PRUNE2: variants seen among roughly 807,000 people sequenced by gnomAD.
PRUNE2 encodes the protein prune homolog 2 with BCH domain.
In PRUNE2, 164 loss-of-function variants were observed where a neutral mutation model predicts 252.0. That is an observed-to-expected ratio of 0.65 (90% CI 0.57 to 0.74). The LOEUF is 0.74. Among genes scored for constraint, PRUNE2 ranks in the 30% least tolerant of loss-of-function variants. The probability of loss-of-function intolerance (pLI) is 0.00; values close to 1 mark genes in which losing one functional copy is unlikely to be tolerated. For missense variants in PRUNE2, 3,495 were observed against 3,711.0 expected (o/e 0.94, Z 1.51); for synonymous variants, 1,292 against 1,350.2 (o/e 0.96, Z 0.94).
At chr9:76,689,856 T>A (rs1175396245) in intron 9 of PRUNE2, among the ~76,000 whole-genome samples, 1 of 152,178 alleles carries the variant, frequency 6.6e-6, no homozygotes, top group African/African-American at 2.4e-5. Context: ...TCTATTACTT[T>A]AGCAGTTGAA....
In PRUNE2 at chr9:76,698,504, C is replaced by T. The variant is rs114806064; in HGVS notation, c.8276+4833G>A. 3.2e-3 allele frequency among the ~76,000 whole-genome samples: 488 copies of T among 152,278 alleles called. 3 individuals carry two copies. The highest frequency in any genetic ancestry group is 0.011 in the African/African-American group (460 of 41,562). ...CCCAAAAATGGTGAATAGGCAAGGGCGCACTGGAGTTTAGAGAGCATCAAC... is the reference window on the plus strand; with the variant it reads ...CCCAAAAATGGTGAATAGGCAAGGGTGCACTGGAGTTTAGAGAGCATCAAC... On this transcript the variant is annotated intron_variant, in intron 9 of 18. Coordinates refer to ENST00000376718, the MANE Select transcript of PRUNE2 (RefSeq NM_015225.3).
rs1339965846 is a variant in PRUNE2 at position 76,704,719 on chromosome 9, C to T, written c.7513+42G>A. On this transcript the variant is annotated intron_variant, in intron 8 of 18. Transcript: ENST00000376718. ...TACAAATATGCACTAGTTTAATCAA[C>T]GCAGCAGTTTCTTGGAAGTGGAAGA... 2.5e-5 allele frequency: 34 copies of T among 1,344,030 alleles called. No individual in the cohort carries two copies. In the East Asian group the frequency reaches 2.8e-4, roughly 11 times the overall value. The allele number at this position is 1,344,030 out of a possible 1,614,324, so 83.3% of individuals were successfully genotyped here. A position where few individuals can be genotyped will look rare whatever the true frequency, so the allele number is the denominator to read the frequency against.
intron 6 of PRUNE2, among the ~76,000 whole-genome samples, chr9:76,808,043 C>T (rs1001464321): frequency 6.6e-5 from 10 of 151,892 alleles, no homozygotes; most frequent in Admixed American, 5.9e-4. Context: ...CTTGGTGTGG[C>T]GGCAGGTGCC....
chr9:76,758,573 C>A (rs2051385952), intron 6 of PRUNE2: 1 of 150,894 alleles, frequency 6.6e-6, no homozygotes, highest in Non-Finnish European at 1.5e-5. Context: ...GATACTAGCT[C>A]ACTGCAGTCT....
At chr9:76,872,855 G>C (rs1266691111) in intron 1 of PRUNE2, among the ~76,000 whole-genome samples, 1 of 152,046 alleles carries the variant, frequency 6.6e-6, no homozygotes, top group African/African-American at 2.4e-5. Flanking sequence ...ACATATGTTG[G>C]TGTCCTATCC....
intron 6 of PRUNE2, among the ~76,000 whole-genome samples, chr9:76,733,039 T>C (rs567309181): frequency 1.3e-5 from 2 of 152,306 alleles, no homozygotes; most frequent in Admixed American, 1.3e-4. Context: ...TTTCTGAAAG[T>C]AGTTAGGTAC....
Position 76,727,641 on chromosome 9 carries a change from T to C in PRUNE2, c.757-13920A>G, listed in dbSNP as rs76754481. On this transcript the variant is annotated intron_variant, in intron 6 of 18. Coordinates refer to ENST00000376718, the MANE Select transcript of PRUNE2 (RefSeq NM_015225.3). ...TCCAGAGTTGTTTCTTTCTTCTTCT[T>C]CTTCTTTTTTTTTTTTTTTGTCAAG... Among the ~76,000 whole-genome samples, 1,309 of 146,434 alleles carry C rather than the reference T, an allele frequency of 8.9e-3. 16 individuals are homozygous for C. Among genetic ancestry groups the C allele is most frequent in the Non-Finnish European group, 0.014 (911 of 67,332 alleles).
chr9:76,898,931 C>T (rs1220691107), intron 1 of PRUNE2, among the ~76,000 whole-genome samples: 1 of 152,228 alleles, frequency 6.6e-6, no homozygotes, highest in Non-Finnish European at 1.5e-5. Context: ...CCACCACAAA[C>T]AGTCCCACTA....
intron 6 of PRUNE2, among the ~76,000 whole-genome samples, chr9:76,806,451 T>C (rs1248814837): frequency 1.3e-5 from 2 of 152,006 alleles, no homozygotes; most frequent in African/African-American, 4.8e-5. Flanking sequence ...CAGTTTCAAA[T>C]AATTGCTTTA....
At chr9:76,740,797 A>G (rs1039135201) in intron 6 of PRUNE2, among the ~76,000 whole-genome samples, 1 of 152,224 alleles carries the variant, frequency 6.6e-6, no homozygotes, top group Non-Finnish European at 1.5e-5. Context: ...GTTATCAGGC[A>G]TCTGTTGGCT....
chr9:76,717,615 A>AT (rs1164000178), intron 6 of PRUNE2, among the ~76,000 whole-genome samples: 1 of 152,168 alleles, frequency 6.6e-6, no homozygotes, highest in Non-Finnish European at 1.5e-5. Context: ...GCATACATAT[A>AT]TATCTCCCAT....
At chr9:76,660,602 T>C (rs1002785168) in intron 9 of PRUNE2, among the ~76,000 whole-genome samples, 127 of 151,438 alleles carry the variant, frequency 8.4e-4, no homozygotes, top group Admixed American at 6.6e-3. Context: ...GCCAAGATGG[T>C]GAAACCCCAT....
chr9:76,886,897 C>T (rs1449072064), intron 1 of PRUNE2, among the ~76,000 whole-genome samples: 1 of 152,058 alleles, frequency 6.6e-6, no homozygotes, highest in Non-Finnish European at 1.5e-5. Flanking sequence ...TGGGGATTCC[C>T]AATATGTTTT....
intron 1 of PRUNE2, among the ~76,000 whole-genome samples, chr9:76,903,944 T>C (rs143033503): frequency 6.6e-6 from 1 of 152,368 alleles, no homozygotes; most frequent in Non-Finnish European, 1.5e-5. Context: ...ATTGACTTAA[T>C]TCTTTTTCTC....
chr9:76,725,831 G>A (rs1049933794), intron 6 of PRUNE2, among the ~76,000 whole-genome samples: 2 of 152,238 alleles, frequency 1.3e-5, no homozygotes, highest in Non-Finnish European at 2.9e-5. Flanking sequence ...CTGTGTTTGA[G>A]AAGCTGGAGG....
intron 4 of PRUNE2, among the ~76,000 whole-genome samples, chr9:76,841,100 G>A (rs2059367349): frequency 1.3e-5 from 2 of 152,110 alleles, no homozygotes; most frequent in African/African-American, 4.8e-5. Flanking sequence ...ATTTCCAACT[G>A]AGGTACCTGG....
intron 4 of PRUNE2, among the ~76,000 whole-genome samples, chr9:76,836,625 T>C (rs1487012329): frequency 6.6e-6 from 1 of 152,154 alleles, no homozygotes; most frequent in African/African-American, 2.4e-5. Flanking sequence ...ATACTAATGA[T>C]TTGTTTCCTG....
Position 76,713,587 on chromosome 9 carries a change from T to A in PRUNE2, c.891A>T (p.Ser297=). The A allele has an allele frequency of 1.9e-6, 3 of 1,610,554 alleles. No homozygotes were observed. The African/African-American group carries it at 4.0e-5, about 21-fold the overall frequency. The change falls in exon 7 of 19, where the codon TCA becomes TCT. Residue 297 remains serine, a synonymous_variant. Transcript: ENST00000376718. ...QQPRRQIAVY[S]ENMELCSQIC... ...CCTGACTGCACAGCTCCATGTTTTC[T>A]GAGTACACAGCAATCTGTCGTCTCG...
At chr9:76,831,010 A>G (rs1424697200) in intron 4 of PRUNE2, among the ~76,000 whole-genome samples, 6 of 151,374 alleles carry the variant, frequency 4.0e-5, no homozygotes, top group Non-Finnish European at 8.8e-5. Context: ...GCTCTCTGCA[A>G]GCTCCACCTC....
Sources: allele counts gnomAD v4.1 joint callset (sites outside exome capture counted in the v4.1 genomes callset), GRCh38; gene constraint gnomAD v4.1.1; transcripts MANE v1.5; gene names NCBI Gene and HGNC (gene_info 2026-07-23, HGNC 2026-07-21).